CABIN1: variants seen among roughly 807,000 people sequenced by gnomAD.
CABIN1 encodes the protein calcineurin binding protein 1.
Under a neutral mutation model 227.7 loss-of-function variants are expected in CABIN1, and 133 were observed. That is an observed-to-expected ratio of 0.58 (90% CI 0.51 to 0.67). The LOEUF is 0.67. Among genes scored for constraint, CABIN1 ranks in the 30% least tolerant of loss-of-function variants. The pLI is 0.00. For synonymous variants in CABIN1, 1,086 were observed against 1,155.1 expected, an observed-to-expected ratio of 0.94 and a Z score of 1.21; for missense variants, 2,408 against 2,852.5, an observed-to-expected ratio of 0.84 and a Z score of 3.55.
At chr22:24,173,764 G>T (rs2046961993) in intron 34 of CABIN1, among the ~76,000 whole-genome samples, 1 of 152,080 alleles carries the variant, frequency 6.6e-6, no homozygotes, top group African/African-American at 2.4e-5. Context: ...AACCCAGGAG[G>T]CAGAGGTTGC....
intron 29 of CABIN1, chr22:24,156,123 G>A: frequency 2.5e-6 from 1 of 402,192 alleles, no homozygotes; most frequent in Non-Finnish European, 4.4e-6. Context: ...CCGGGACTGG[G>A]GCCGGGGCTG....
rs574430164 is a variant in CABIN1 at position 24,062,438 on chromosome 22, A to G, written c.1696+413A>G. Among the ~76,000 whole-genome samples, 95 of 145,670 alleles carry G rather than the reference A, an allele frequency of 6.5e-4. 1 individual carries two copies. Among genetic ancestry groups the G allele is most frequent in the African/African-American group, 2.4e-3 (90 of 38,206 alleles). ...AGTGGCATGATCTTGGCTCACTGCAACCTCTGCCTCCCAGGCTCAAGTGAT... is the reference window on the plus strand; with the variant it reads ...AGTGGCATGATCTTGGCTCACTGCAGCCTCTGCCTCCCAGGCTCAAGTGAT... On this transcript the variant is annotated intron_variant, in intron 13 of 36. Transcript: ENST00000263119.
In CABIN1 at chr22:24,063,062, G is replaced by T. The variant is rs760130531; in HGVS notation, c.1800G>T (p.Ser600=). 6.2e-7 allele frequency: 1 copy of T among 1,614,166 alleles called. No individual in the cohort carries two copies. Among genetic ancestry groups the T allele is most frequent in the Non-Finnish European group, 8.5e-7 (1 of 1,180,030 alleles). The change falls in exon 14 of 37, where the codon TCG becomes TCT. Residue 600 remains serine, a synonymous_variant. Coordinates refer to ENST00000263119, the MANE Select transcript of CABIN1 (RefSeq NM_012295.4). Reference sequence around the variant, plus strand: ...ACCTCCTACAGCTGTCATTTGCCTCGTCCCAGCGCGACCTGTTCGAGGATG... The same window carrying T: ...ACCTCCTACAGCTGTCATTTGCCTCTTCCCAGCGCGACCTGTTCGAGGATG... The part of the protein sequence containing the change: ...LGDLLQLSFA[S]SQRDLFEDGW...
In CABIN1 at chr22:24,070,917, G is replaced by A. The variant is rs2040039368; in HGVS notation, c.2350G>A (p.Val784Met). The A allele has an allele frequency of 6.2e-7, 1 of 1,614,236 alleles. No individual in the cohort carries two copies. Among genetic ancestry groups the A allele is most frequent in the Non-Finnish European group, 8.5e-7 (1 of 1,180,040 alleles). Residue 784 changes from valine (V) to methionine (M), a missense_variant, in exon 17 of 37, where the codon GTG (valine) becomes ATG (methionine). Coordinates refer to ENST00000263119, the MANE Select transcript of CABIN1 (RefSeq NM_012295.4). ...SGEAAAKEEW[V>M]ATVTQLLMGI... ...TGAGGCTGCCGCCAAGGAGGAGTGG[G>A]TGGCCACAGTGACCCAACTGCTGAT...
intron 1 of CABIN1, 33 bp from the exon 2 acceptor site, chr22:24,035,411 G>A (rs925488810): frequency 4.1e-6 from 6 of 1,462,470 alleles, no homozygotes; most frequent in Middle Eastern, 1.9e-4. Context: ...CTCTTCATAG[G>A]CCTTGTCTCA....
At chr22:24,106,119 T>C (rs549236864) in intron 26 of CABIN1, among the ~76,000 whole-genome samples, 1 of 152,370 alleles carries the variant, frequency 6.6e-6, no homozygotes, top group African/African-American at 2.4e-5. Flanking sequence ...GGTGCTAGGC[T>C]GCGTTCAGCT....
chr22:24,015,900 G>T (rs1763265999), intron 1 of CABIN1, among the ~76,000 whole-genome samples: 2 of 152,170 alleles, frequency 1.3e-5, no homozygotes, highest in African/African-American at 4.8e-5. Context: ...AGAGGTTGCA[G>T]AGAGCCGAGA....
chr22:24,148,777 C>T (rs994324914), intron 29 of CABIN1, among the ~76,000 whole-genome samples: 4 of 152,354 alleles, frequency 2.6e-5, no homozygotes, highest in Admixed American at 1.3e-4. Context: ...AGGCCCCACC[C>T]GCTCAGGCTG....
intron 29 of CABIN1, chr22:24,155,952 C>T: frequency 3.9e-6 from 2 of 515,316 alleles, no homozygotes; most frequent in Non-Finnish European, 6.8e-6. Context: ...AGAGTGCCGG[C>T]GCCCCGTCCG....
intron 24 of CABIN1, among the ~76,000 whole-genome samples, chr22:24,094,674 G>T (rs952403048): frequency 2.0e-5 from 3 of 150,916 alleles, no homozygotes; most frequent in South Asian, 2.1e-4. Flanking sequence ...AAAATTAGCC[G>T]GGCGCGGTGG....
rs987224344 is a variant in CABIN1, at chr22:24,084,240, A to AT, written c.2911-323dup. On this transcript the variant is annotated intron_variant, in intron 20 of 36. Transcript: ENST00000263119. ...TTTGGGGATTATAGTGGGCATGCAG[A>AT]TTTTTTTTTTTTTTTTGAGATGGAG... Among the ~76,000 whole-genome samples the AT allele has an allele frequency of 4.5e-3, 630 of 140,636 alleles. 3 individuals carry two copies. The highest frequency in any genetic ancestry group is 0.011 in the Middle Eastern group (3 of 272). The allele number at this position is 140,636 out of a possible 152,430, so 92.3% of individuals were successfully genotyped here. A position where few individuals can be genotyped will look rare whatever the true frequency, so the allele number is the denominator to read the frequency against.
In CABIN1 at chr22:24,177,799, G is replaced by C; in HGVS notation, c.6501G>C (p.Glu2167Asp). Residue 2167 changes from glutamate (E) to aspartate (D), a missense_variant, in exon 36 of 37, where the codon GAG becomes GAC. Glu to Asp is a conservative substitution (Grantham distance 45). This residue lies in a region of CABIN1 where 714 missense variants were observed against 773.8 expected (regional missense o/e 0.92). Transcript: ENST00000263119. This position sits in a 1 kb window ranked among gnomAD's most constrained non-coding sequence, Gnocchi z 4.4. The part of the protein sequence containing the change: ...LLSPKGSISE[E>D]TKQKLKSAIL... ...CCCCCAAAGGCAGCATCTCGGAGGA[G>C]ACCAAGCAGAAGCTGAAGGTGACCT... 6.2e-7 allele frequency: 1 copy of C among 1,607,632 alleles called. No individual in the cohort carries two copies. Among genetic ancestry groups the C allele is most frequent in the Non-Finnish European group, 8.5e-7 (1 of 1,175,790 alleles).
chr22:24,025,634 GTTGTT>G (rs2036030024), intron 1 of CABIN1, among the ~76,000 whole-genome samples: 1 of 152,154 alleles, frequency 6.6e-6, no homozygotes, highest in Non-Finnish European at 1.5e-5. Context: ...CGCTCTGCTG[GTTGTT>G]TTAAGTGTTC....
chr22:24,172,317 A>G (rs562820581), intron 34 of CABIN1, among the ~76,000 whole-genome samples: 2 of 152,306 alleles, frequency 1.3e-5, no homozygotes, highest in African/African-American at 4.8e-5. Context: ...GCCTTATAGT[A>G]AGTAGGAAGG....
At chr22:24,084,844 C>T in intron 21 of CABIN1, 59 bp downstream of exon 21, 1 of 1,575,444 alleles carries the variant, frequency 6.3e-7, no homozygotes, top group Non-Finnish European at 8.7e-7. Context: ...TTCCGCTCTG[C>T]CACTGCTGTA....
At chr22:24,095,637 AGT>A in intron 24 of CABIN1, among the ~76,000 whole-genome samples, 1 of 152,218 alleles carries the variant, frequency 6.6e-6, no homozygotes, top group South Asian at 2.1e-4. Context: ...GGCAGTGCCC[AGT>A]GAACGGAGCT....
chr22:24,139,369 G>A (rs1196186849), intron 29 of CABIN1, among the ~76,000 whole-genome samples: 1 of 152,178 alleles, frequency 6.6e-6, no homozygotes, highest in Admixed American at 6.5e-5. Flanking sequence ...GAGGTCAGAA[G>A]TTCGAGACCA....
chr22:24,148,869 G>A (rs529148251), intron 29 of CABIN1, among the ~76,000 whole-genome samples: 1 of 152,324 alleles, frequency 6.6e-6, no homozygotes, highest in South Asian at 2.1e-4. Flanking sequence ...CCTGCCACCA[G>A]CGGCCATCCC....
At chr22:24,065,976 C>G (rs1444779405) in intron 15 of CABIN1, among the ~76,000 whole-genome samples, 1 of 152,180 alleles carries the variant, frequency 6.6e-6, no homozygotes, top group Non-Finnish European at 1.5e-5. Context: ...TTCGGCTTGG[C>G]ATCAGAGGGA....
Sources: allele counts gnomAD v4.1 joint callset (sites outside exome capture counted in the v4.1 genomes callset), GRCh38; gene constraint gnomAD v4.1.1; regional missense constraint gnomAD v4.1.1; non-coding constraint Gnocchi (gnomAD v3.1); transcripts MANE v1.5; gene names NCBI Gene and HGNC (gene_info 2026-07-23, HGNC 2026-07-21).